CSMD1: variants seen among roughly 807,000 people sequenced by gnomAD.
The protein encoded by CSMD1 is CUB and sushi domain-containing protein 1.
CSMD1 carries 213 observed loss-of-function variants against 417.5 expected under a neutral mutation model. That is an observed-to-expected ratio of 0.51 (90% confidence interval 0.46 to 0.57). The LOEUF (loss-of-function observed/expected upper bound fraction) is 0.57, where lower values mean the gene tolerates loss of function less well. Ranked by LOEUF, CSMD1 falls within the 20% of genes least tolerant of loss-of-function variation. The probability of loss-of-function intolerance (pLI) is 0.00; values close to 1 mark genes in which losing one functional copy is unlikely to be tolerated. For synonymous variants in CSMD1, 2,862 were observed against 1,736.8 expected, an observed-to-expected ratio of 1.65 and a Z score of -16.11; for missense variants, 6,923 against 4,529.7, an observed-to-expected ratio of 1.53 and a Z score of -15.17.
intron 2 of CSMD1, among the ~76,000 whole-genome samples, chr8:4,519,532 G>T (rs1320406735): frequency 6.6e-6 from 1 of 151,562 alleles, no homozygotes; most frequent in Non-Finnish European, 1.5e-5. Flanking sequence ...CTGAGGTCAG[G>T]AGTTCAAGAC....
intron 5 of CSMD1, among the ~76,000 whole-genome samples, chr8:3,772,787 C>T (rs1798688627): frequency 6.6e-6 from 1 of 151,402 alleles, no homozygotes. Context: ...CTATAAAGCA[C>T]CATGACAGCC....
At chr8:4,192,674 C>G (rs770709966) in intron 3 of CSMD1, among the ~76,000 whole-genome samples, 2 of 152,186 alleles carry the variant, frequency 1.3e-5, no homozygotes, top group African/African-American at 2.4e-5. Flanking sequence ...TAAATCTGCA[C>G]TTAAATCTTA....
At chr8:4,578,553 AT>A (rs1213890512) in intron 2 of CSMD1, among the ~76,000 whole-genome samples, 1 of 151,446 alleles carries the variant, frequency 6.6e-6, no homozygotes, top group Non-Finnish European at 1.5e-5. Flanking sequence ...GCAATGCTTC[AT>A]GCCTGTAATC....
intron 10 of CSMD1, among the ~76,000 whole-genome samples, chr8:3,569,437 G>C (rs1409859128): frequency 1.3e-5 from 2 of 152,082 alleles, no homozygotes; most frequent in Admixed American, 1.3e-4. Flanking sequence ...AATCAAGAGA[G>C]GATTAAATGT....
chr8:4,063,429 A>T (rs1452149106), intron 3 of CSMD1, among the ~76,000 whole-genome samples: 2 of 152,236 alleles, frequency 1.3e-5, no homozygotes, highest in Non-Finnish European at 2.9e-5. Context: ...TGATTATTAA[A>T]TGAATACAAT....
chr8:4,368,645 G>A (rs1235679998), intron 3 of CSMD1, among the ~76,000 whole-genome samples: 1 of 151,984 alleles, frequency 6.6e-6, no homozygotes, highest in African/African-American at 2.4e-5. Context: ...TTCAATTTTG[G>A]AACTTATTGG....
chr8:3,796,051 G>T (rs1207584334), intron 5 of CSMD1, among the ~76,000 whole-genome samples: 25 of 49,264 alleles, frequency 5.1e-4, no homozygotes, highest in Non-Finnish European at 6.7e-4. Context: ...ATCTATCATA[G>T]ATATAGATAT....
At chr8:4,182,835 C>G (rs1303461695) in intron 3 of CSMD1, among the ~76,000 whole-genome samples, 2 of 151,980 alleles carry the variant, frequency 1.3e-5, no homozygotes, top group East Asian at 1.9e-4. Context: ...AAGGGTCATT[C>G]TAATTATTGA....
At chr8:3,944,483 T>C (rs902252846) in intron 5 of CSMD1, among the ~76,000 whole-genome samples, 7 of 152,260 alleles carry the variant, frequency 4.6e-5, no homozygotes, top group African/African-American at 1.7e-4. Flanking sequence ...AGTTTTGATG[T>C]TGTCAGATCA....
chr8:3,609,307 G>A (rs1176151453), intron 8 of CSMD1, among the ~76,000 whole-genome samples: 1 of 152,136 alleles, frequency 6.6e-6, no homozygotes. Context: ...CCCTCCCTCA[G>A]ATATTGGTAT....
chr8:3,589,205 AACT>A (rs1337994104), intron 8 of CSMD1, among the ~76,000 whole-genome samples: 1 of 152,188 alleles, frequency 6.6e-6, no homozygotes, highest in East Asian at 1.9e-4. Flanking sequence ...TTAAAAATAG[AACT>A]ACTACATGAT....
chr8:4,744,803 G>A (rs1810848804), intron 1 of CSMD1, among the ~76,000 whole-genome samples: 2 of 152,004 alleles, frequency 1.3e-5, no homozygotes, highest in Admixed American at 6.6e-5. Flanking sequence ...AACTTCCAAG[G>A]AGTAAAAAAC....
At chr8:3,271,326 CATT>C in intron 26 of CSMD1, among the ~76,000 whole-genome samples, 1 of 152,018 alleles carries the variant, frequency 6.6e-6, no homozygotes, top group South Asian at 2.1e-4. Flanking sequence ...TCCAGTCTAT[CATT>C]GTTGGACATT....
At chr8:3,714,313 T>C (rs944896642) in intron 6 of CSMD1, among the ~76,000 whole-genome samples, 5 of 150,962 alleles carry the variant, frequency 3.3e-5, no homozygotes, top group Non-Finnish European at 5.9e-5. Context: ...TGAGAAGTAA[T>C]CACATTCCAT....
At chr8:4,902,298 A>C (rs116744624) in intron 1 of CSMD1, among the ~76,000 whole-genome samples, 3,048 of 151,092 alleles carry the variant, frequency 0.02, 90 homozygotes, top group African/African-American at 0.067. Flanking sequence ...AAATCCTGGC[A>C]TGATGGCACA....
At chr8:3,893,939 G>C (rs901732274) in intron 5 of CSMD1, among the ~76,000 whole-genome samples, 1 of 151,920 alleles carries the variant, frequency 6.6e-6, no homozygotes, top group African/African-American at 2.4e-5. Flanking sequence ...TACCGCACGT[G>C]TGCACCCAGA....
At chr8:3,919,898 A>G (rs1809109262) in intron 5 of CSMD1, among the ~76,000 whole-genome samples, 3 of 152,144 alleles carry the variant, frequency 2.0e-5, no homozygotes, top group South Asian at 2.1e-4. Flanking sequence ...GACATTCAAA[A>G]TGAGATTTTT....
intron 3 of CSMD1, among the ~76,000 whole-genome samples, chr8:4,341,694 G>A (rs956581559): frequency 6.6e-6 from 1 of 152,128 alleles, no homozygotes; most frequent in African/African-American, 2.4e-5. Context: ...AAGATAAATG[G>A]AAACCTAAGA....
At chr8:4,202,774 C>G (rs1448636749) in intron 3 of CSMD1, among the ~76,000 whole-genome samples, 1 of 151,986 alleles carries the variant, frequency 6.6e-6, no homozygotes, top group East Asian at 1.9e-4. Flanking sequence ...AGTGATAGAA[C>G]AGAGAATAAA....
Sources: allele counts gnomAD v4.1 joint callset (sites outside exome capture counted in the v4.1 genomes callset), GRCh38; gene constraint gnomAD v4.1.1; transcripts MANE v1.5; gene names NCBI Gene and HGNC (gene_info 2026-07-23, HGNC 2026-07-21).